Variants in CTBP2 observed in about 807,000 individuals in gnomAD.
The protein encoded by CTBP2 is C-terminal binding protein 2, also known as C-terminal-binding protein 2.
In CTBP2, 30 loss-of-function variants were observed where a neutral mutation model predicts 80.3. The ratio of observed to expected loss-of-function variants is 0.37; its 90% CI spans 0.28 to 0.51. The LOEUF (loss-of-function observed/expected upper bound fraction) is 0.51. Among genes scored for constraint, CTBP2 ranks in the 20% least tolerant of loss-of-function variants. CTBP2 has a pLI of 0.93. For synonymous variants in CTBP2, 594 were observed against 587.4 expected (o/e 1.01, Z -0.16); for missense variants, 1,212 against 1,375.3 (o/e 0.88, Z 1.88).
At chr10:124,997,773 T>A in intron 4 of CTBP2, 191 bp downstream of exon 6, 1 of 607,510 alleles carries the variant, frequency 1.6e-6, no homozygotes, top group South Asian at 2.0e-5. Context: ...CCAGCCCAGA[T>A]CCTGCCTCTA....
At chr10:125,074,347 T>C (rs899665748) in intron 2 of CTBP2, among the ~76,000 whole-genome samples, 2 of 152,200 alleles carry the variant, frequency 1.3e-5, no homozygotes, top group African/African-American at 4.8e-5. Flanking sequence ...CAGTGAACAC[T>C]GTCTTTTTTT....
At chr10:125,006,042 C>T in intron 1 of CTBP2, 1 of 1,375,308 alleles carries the variant, frequency 7.3e-7, no homozygotes, top group Non-Finnish European at 9.4e-7. Flanking sequence ...ATCATCAGTG[C>T]ATGGATCCGT....
intron 1 of CTBP2, among the ~76,000 whole-genome samples, chr10:125,135,442 G>A (rs1369641774): frequency 6.6e-6 from 1 of 152,002 alleles, no homozygotes; most frequent in Non-Finnish European, 1.5e-5. Context: ...ATCCCCCATC[G>A]CCTCGTGGGG....
chr10:125,112,107 CTTTTTT>C (rs59148637), intron 1 of CTBP2, among the ~76,000 whole-genome samples: 1 of 123,754 alleles, frequency 8.1e-6, no homozygotes, highest in African/African-American at 3.1e-5. Context: ...CTGCATTTGA[CTTTTTT>C]TTTTTTTTTT....
At chr10:125,159,248 C>T (rs1861499040) in intron 1 of CTBP2, among the ~76,000 whole-genome samples, 1 of 150,522 alleles carries the variant, frequency 6.6e-6, no homozygotes. Context: ...CCCTAGCCAG[C>T]CCCTCCTGCT....
chr10:125,008,438 C>T (rs759188892), intron 1 of CTBP2, among the ~76,000 whole-genome samples: 56 of 152,332 alleles, frequency 3.7e-4, no homozygotes, highest in African/African-American at 6.0e-4. Flanking sequence ...TAGAGCTGAC[C>T]GAGCTATCAC....
In CTBP2 at chr10:125,002,953, C is replaced by T; in HGVS notation, c.1978+7G>A. The T allele has an allele frequency of 6.2e-7, 1 of 1,612,218 alleles. No individual in the cohort carries two copies. The highest frequency in any genetic ancestry group is 8.5e-7 in the Non-Finnish European group (1 of 1,179,850). On this transcript the variant is annotated splice_region_variant and intron_variant, in intron 3 of 8. Coordinates refer to ENST00000309035, the MANE Select transcript of CTBP2 (RefSeq NM_022802.3). ...ACTCCAGGCAGCCAGCGCTGCCTCG[C>T]ACTCACCGAGCTCGCCGGCAGCCTT... is the stretch of plus-strand genomic sequence containing the variant.
At chr10:125,060,608 A>T (rs532845266) in intron 2 of CTBP2, among the ~76,000 whole-genome samples, 1 of 152,270 alleles carries the variant, frequency 6.6e-6, no homozygotes, top group Admixed American at 6.5e-5. Context: ...CCAGCAGGGA[A>T]CGTTCCCGAG....
intron 2 of CTBP2, among the ~76,000 whole-genome samples, chr10:125,106,090 C>CAGTGG (rs1851408044): frequency 6.6e-6 from 1 of 152,242 alleles, no homozygotes; most frequent in South Asian, 2.1e-4. Context: ...TCCCTCAGTT[C>CAGTGG]AGTGGCCAGG....
chr10:125,161,962 G>A (rs931896415), upstream of CTBP2, among the ~76,000 whole-genome samples: 3 of 152,136 alleles, frequency 2.0e-5, no homozygotes, highest in African/African-American at 7.2e-5. Flanking sequence ...GAGCACCTGG[G>A]CTAAATTCCC....
At chr10:125,005,501 G>A in intron 1 of CTBP2, 1 of 1,547,912 alleles carries the variant, frequency 6.5e-7, no homozygotes, top group South Asian at 1.2e-5. Context: ...GGCAGGGGAG[G>A]GGGAAAATAA....
intron 8 of CTBP2, among the ~76,000 whole-genome samples, chr10:124,991,821 A>T (rs1358216010): frequency 1.4e-5 from 2 of 145,394 alleles, no homozygotes; most frequent in African/African-American, 5.0e-5. Context: ...AATTTTTCTT[A>T]AGATTCAAGG....
At chr10:125,005,756 C>T in intron 1 of CTBP2, 1 of 1,612,920 alleles carries the variant, frequency 6.2e-7, no homozygotes, top group Non-Finnish European at 8.5e-7. Context: ...CTTCTGGCCC[C>T]TACTTGAGGT....
chr10:125,045,535 G>A (rs1160450445), intron 2 of CTBP2, among the ~76,000 whole-genome samples: 3 of 151,870 alleles, frequency 2.0e-5, no homozygotes, highest in African/African-American at 7.3e-5. Context: ...CTTTTTTGGA[G>A]ACAGATTCTC....
chr10:125,143,969 C>T (rs1217173538), intron 1 of CTBP2, among the ~76,000 whole-genome samples: 3 of 152,188 alleles, frequency 2.0e-5, no homozygotes, highest in African/African-American at 7.2e-5. Flanking sequence ...CATAATTTCT[C>T]TCACCATAAA....
chr10:125,039,994 G>C (rs1959213375), intron 2 of CTBP2, among the ~76,000 whole-genome samples: 1 of 152,182 alleles, frequency 6.6e-6, no homozygotes, highest in African/African-American at 2.4e-5. Flanking sequence ...GCCTGGGGAA[G>C]AGGAGCTGCT....
At chr10:125,124,174 C>T (rs1202421281) in intron 1 of CTBP2, among the ~76,000 whole-genome samples, 2 of 152,192 alleles carry the variant, frequency 1.3e-5, no homozygotes, top group Non-Finnish European at 2.9e-5. Context: ...GAGCTACGCC[C>T]CTGCTTCTCG....
At chr10:125,087,827 C>A (rs946498578) in intron 2 of CTBP2, among the ~76,000 whole-genome samples, 1 of 152,204 alleles carries the variant, frequency 6.6e-6, no homozygotes, top group Non-Finnish European at 1.5e-5. Context: ...GCTTATGTGG[C>A]TTTACAAATT....
rs141776361 is a variant in CTBP2 at position 125,070,497 on chromosome 10, C to T, written c.-101-31342G>A. On this transcript the variant is annotated intron_variant, in intron 2 of 10. Transcript: ENST00000337195. Reference sequence around the variant, plus strand: ...GCTTGAGTCCAGAAACTACAGACTTCAGCGAGCTATGATGGGGCCACTACA... The same window carrying T: ...GCTTGAGTCCAGAAACTACAGACTTTAGCGAGCTATGATGGGGCCACTACA... 3.7e-3 allele frequency among the ~76,000 whole-genome samples: 559 copies of T among 151,804 alleles called. 3 individuals are homozygous for T. Among genetic ancestry groups the T allele is most frequent in the African/African-American group, 0.013 (524 of 41,436 alleles).
Sources: gnomAD v4.1 joint callset for allele counts (sites outside exome capture counted in the v4.1 genomes callset) on GRCh38, gnomAD v4.1.1 for gene constraint, MANE v1.5 for transcripts, NCBI Gene and HGNC (gene_info 2026-07-23, HGNC 2026-07-21) for gene names.